The following PLCG2 variants were observed in gnomAD, a reference collection of about 807,000 sequenced individuals.
The protein encoded by PLCG2 is 1-phosphatidylinositol 4,5-bisphosphate phosphodiesterase gamma-2.
In PLCG2, 69 loss-of-function variants were observed where a neutral mutation model predicts 175.6. The ratio of observed to expected loss-of-function variants is 0.39; its 90% confidence interval spans 0.32 to 0.48. The LOEUF (loss-of-function observed/expected upper bound fraction) is 0.48. Ranked by LOEUF, PLCG2 falls within the 20% of genes least tolerant of loss-of-function variation. The pLI is 0.91. For missense variants in PLCG2, 1,798 were observed against 1,650.9 expected (o/e 1.09, Z -1.54); for synonymous variants, 827 against 624.0 (o/e 1.33, Z -4.85).
intron 2 of PLCG2, among the ~76,000 whole-genome samples, chr16:81,818,940 A>G (rs1234916571): frequency 6.7e-6 from 1 of 148,458 alleles, no homozygotes; most frequent in East Asian, 2.0e-4. Flanking sequence ...CACAAAAATA[A>G]ATACAGCTTT....
intron 23 of PLCG2, among the ~76,000 whole-genome samples, chr16:81,928,320 A>G (rs1910361494): frequency 6.6e-6 from 1 of 152,124 alleles, no homozygotes; most frequent in Non-Finnish European, 1.5e-5. Context: ...TTCACAAGGC[A>G]CGTTTTTACG....
At chr16:81,838,781 AT>A (rs1905662326) in intron 2 of PLCG2, among the ~76,000 whole-genome samples, 1 of 1,200 alleles carries the variant, frequency 8.3e-4, no homozygotes, top group African/African-American at 2.6e-3. Context: ...AAAATTAAAT[AT>A]ATATATATAT....
chr16:81,827,416 T>C (rs1905089852), intron 2 of PLCG2, among the ~76,000 whole-genome samples: 1 of 152,042 alleles, frequency 6.6e-6, no homozygotes, highest in Non-Finnish European at 1.5e-5. Context: ...CTCGAACTCC[T>C]AGGCTCAAGG....
Position 81,931,735 on chromosome 16 carries a change from A to G in PLCG2, c.2739+81A>G, listed in dbSNP as rs1042253813. 6 of 1,284,414 alleles carry G rather than the reference A, an allele frequency of 4.7e-6. No homozygotes were observed. In the Admixed American group the frequency reaches 9.5e-5, roughly 20 times the overall value. 79.6% of individuals were successfully genotyped at this position (1,284,414 alleles called of 1,614,324 possible). Reference sequence around the variant, plus strand: ...CTCAGTTGGGACTGTGGGTGGGTCCAGGCAGCAGGATGAGCAGGCCCAGGT... The same window carrying G: ...CTCAGTTGGGACTGTGGGTGGGTCCGGGCAGCAGGATGAGCAGGCCCAGGT... On this transcript the variant is annotated intron_variant, in intron 25 of 32. Coordinates refer to ENST00000564138, the MANE Select transcript of PLCG2 (RefSeq NM_002661.5).
intron 31 of PLCG2, among the ~76,000 whole-genome samples, chr16:81,956,069 C>T (rs1911555164): frequency 6.6e-6 from 1 of 152,182 alleles, no homozygotes; most frequent in Admixed American, 6.5e-5. Flanking sequence ...CTCACTCCAT[C>T]CCCCAGACCC....
upstream of PLCG2, among the ~76,000 whole-genome samples, chr16:81,776,955 G>C (rs547338048): frequency 1.3e-5 from 2 of 152,190 alleles, no homozygotes; most frequent in Admixed American, 6.5e-5. Context: ...CGTTCACCTG[G>C]GGGGTGGGGT....
intron 2 of PLCG2, among the ~76,000 whole-genome samples, chr16:81,850,257 T>G (rs1906336336): frequency 6.6e-6 from 1 of 152,222 alleles, no homozygotes; most frequent in Admixed American, 6.5e-5. Flanking sequence ...TATGGTTCTA[T>G]AAGAAAGTGT....
chr16:81,887,863 A>T (rs1908447740), intron 9 of PLCG2, among the ~76,000 whole-genome samples: 2 of 152,214 alleles, frequency 1.3e-5, no homozygotes, highest in Admixed American at 6.5e-5. Flanking sequence ...ACTTAATATT[A>T]TGCATTCTTT....
intron 5 of PLCG2, among the ~76,000 whole-genome samples, chr16:81,865,494 G>C (rs1907183823): frequency 6.6e-6 from 1 of 152,166 alleles, no homozygotes. Context: ...GACCAGGTGG[G>C]CTCCCATGTC....
rs761452083 is a variant in PLCG2, at chr16:81,936,197, C to T, written c.2871C>T (p.Ser957=). Residue 957 remains serine, a synonymous_variant, in exon 27 of 33, where the codon TCC becomes TCT. Coordinates refer to ENST00000564138, the MANE Select transcript of PLCG2 (RefSeq NM_002661.5). ...LENPDFREIR[S]FVETKADSII... is the part of the protein sequence containing the mutation. Reference sequence around the variant, plus strand: ...ATCCTGACTTCCGAGAAATCCGCTCCTTTGTGGAGACGAAGGCTGACAGCA... The same window carrying T: ...ATCCTGACTTCCGAGAAATCCGCTCTTTTGTGGAGACGAAGGCTGACAGCA... 2 of 1,614,150 alleles carry T rather than the reference C, an allele frequency of 1.2e-6. No individual in the cohort carries two copies. The highest frequency in any genetic ancestry group is 1.7e-6 in the Non-Finnish European group (2 of 1,180,032).
At chr16:81,953,137 C>T (rs1381948235) in intron 31 of PLCG2, among the ~76,000 whole-genome samples, 1 of 152,134 alleles carries the variant, frequency 6.6e-6, no homozygotes, top group African/African-American at 2.4e-5. Flanking sequence ...AGTATTCTTC[C>T]AAAGTGTCCT....
At chr16:81,955,644 C>G (rs748711750) in intron 31 of PLCG2, among the ~76,000 whole-genome samples, 10 of 152,216 alleles carry the variant, frequency 6.6e-5, no homozygotes, top group African/African-American at 1.2e-4. Context: ...CTGGCACATT[C>G]CAAACTTCTT....
At position 81,889,163 on chromosome 16, in the gene PLCG2, C is replaced by T. The variant is rs1263954533; in HGVS notation, c.766-9C>T. The T allele has an allele frequency of 1.3e-6, 2 of 1,542,196 alleles. No homozygotes were observed. Among genetic ancestry groups the T allele is most frequent in the Non-Finnish European group, 1.8e-6 (2 of 1,121,146 alleles). On this transcript the variant is annotated splice_polypyrimidine_tract_variant and intron_variant, in intron 9 of 32. Coordinates refer to ENST00000564138, the MANE Select transcript of PLCG2 (RefSeq NM_002661.5). Reference sequence around the variant, plus strand: ...TTTGCTGATCTCTCGTTCTCTTTGTCATTTTAAGGAGCATTGGGCTCAGGA... The same window carrying T: ...TTTGCTGATCTCTCGTTCTCTTTGTTATTTTAAGGAGCATTGGGCTCAGGA...
chr16:81,813,335 C>T (rs954643002), intron 2 of PLCG2, among the ~76,000 whole-genome samples: 1 of 152,180 alleles, frequency 6.6e-6, no homozygotes, highest in Non-Finnish European at 1.5e-5. Flanking sequence ...TTTGTGTCCT[C>T]TCTTATTTCC....
At chr16:81,861,050 C>A (rs910440687) in intron 5 of PLCG2, among the ~76,000 whole-genome samples, 7 of 150,164 alleles carry the variant, frequency 4.7e-5, no homozygotes, top group African/African-American at 1.7e-4. Context: ...ACCAAAAAAA[C>A]CAAAACCAAA....
In PLCG2 at chr16:81,803,188, G is replaced by A. The variant is rs910559009; in HGVS notation, c.193+17006G>A. ...GGCTGGAGTGCAGTGGCATGATCTC[G>A]GCTCACTGCAAGCTCTGCCTCATGG... On this transcript the variant is annotated intron_variant, in intron 2 of 32. Transcript: ENST00000564138. 1.2e-4 allele frequency among the ~76,000 whole-genome samples: 17 copies of A among 144,368 alleles called. No homozygotes were observed. The East Asian group carries it at 1.3e-3, about 11-fold the overall frequency. 94.7% of individuals were successfully genotyped at this position (144,368 alleles called of 152,430 possible). A position where few individuals can be genotyped will look rare whatever the true frequency, so the allele number is the denominator to read the frequency against.
intron 2 of PLCG2, among the ~76,000 whole-genome samples, chr16:81,830,283 C>G (rs1238317761): frequency 6.6e-6 from 1 of 152,108 alleles, no homozygotes; most frequent in East Asian, 1.9e-4. Flanking sequence ...TCATGCCACT[C>G]ACTCCAGCAG....
In PLCG2 at chr16:81,816,062, TAA is replaced by T. The variant is rs57508298; in HGVS notation, c.193+29894_193+29895del. Among the ~76,000 whole-genome samples, 4 of 140,008 alleles carry T rather than the reference TAA, an allele frequency of 2.9e-5. 1 individual carries two copies. The highest frequency in any genetic ancestry group is 2.1e-4 in the Admixed American group (3 of 14,040). 91.9% of individuals were successfully genotyped at this position (140,008 alleles called of 152,430 possible). The stretch of plus-strand genomic sequence containing the variant: ...GGGTGACAGAGCATGACTTCATCTT[TAA>T]AAAAAAAAAAAAATGTGCCTTCACG... On this transcript the variant is annotated intron_variant, in intron 2 of 32. Transcript: ENST00000564138.
At chr16:81,859,517 G>A (rs1313633713) in intron 5 of PLCG2, among the ~76,000 whole-genome samples, 1 of 151,950 alleles carries the variant, frequency 6.6e-6, no homozygotes, top group Non-Finnish European at 1.5e-5. Flanking sequence ...TTGATTGACC[G>A]TGAAGAAGTA....
Sources: allele counts gnomAD v4.1 joint callset (sites outside exome capture counted in the v4.1 genomes callset), GRCh38; gene constraint gnomAD v4.1.1; transcripts MANE v1.5; gene names NCBI Gene and HGNC (gene_info 2026-07-23, HGNC 2026-07-21).